The following GARNL3 variants were observed in gnomAD, a reference collection of about 807,000 sequenced individuals.
GARNL3 encodes GTPase-activating Rap/Ran-GAP domain-like protein 3.
Under a neutral mutation model 125.0 loss-of-function variants are expected in GARNL3, and 63 were observed. The observed-to-expected ratio is 0.50, with a 90% CI of 0.41 to 0.62. The LOEUF (loss-of-function observed/expected upper bound fraction) is 0.62. GARNL3 is among the 20% of genes least tolerant of loss of function. GARNL3 has a pLI of 0.00. For synonymous variants in GARNL3, 439 were observed against 457.5 expected, an observed-to-expected ratio of 0.96 and a Z score of 0.52; for missense variants, 994 against 1,244.0, an observed-to-expected ratio of 0.80 and a Z score of 3.02.
At chr9:127,249,247 CAG>C (rs2063358336) in intron 2 of GARNL3, among the ~76,000 whole-genome samples, 1 of 152,136 alleles carries the variant, frequency 6.6e-6, no homozygotes, top group East Asian at 1.9e-4. Context: ...GAAACTATGA[CAG>C]GGTGGAATTC....
intron 3 of GARNL3, 38 bp downstream of exon 3, chr9:127,311,773 T>G: frequency 7.2e-7 from 1 of 1,396,728 alleles, no homozygotes; most frequent in Non-Finnish European, 1.0e-6. Flanking sequence ...AGAAAGGGTA[T>G]TCAAAATGGA....
At chr9:127,285,478 G>A (rs1444599881) in intron 1 of GARNL3, among the ~76,000 whole-genome samples, 2 of 152,036 alleles carry the variant, frequency 1.3e-5, no homozygotes, top group African/African-American at 2.4e-5. Context: ...ATTTTTAAAG[G>A]TGTGTATTCT....
At chr9:127,393,050 A>G in intron 27 of GARNL3, 33 bp from the exon 28 acceptor site, 1 of 1,555,548 alleles carries the variant, frequency 6.4e-7, no homozygotes, top group Non-Finnish European at 8.8e-7. Flanking sequence ...TGGTACTCCC[A>G]AAGATCCTCT....
upstream of GARNL3, chr9:127,264,251 G>A (rs561238192): frequency 5.2e-5 from 16 of 310,244 alleles, no homozygotes; most frequent in South Asian, 4.7e-4. Flanking sequence ...GGATGAAAAC[G>A]TAGTAACAAT....
chr9:127,241,457 T>G (rs989770985), intron 1 of GARNL3, among the ~76,000 whole-genome samples: 6 of 151,782 alleles, frequency 4.0e-5, no homozygotes, highest in Non-Finnish European at 5.9e-5. Flanking sequence ...CCTGGTTTCT[T>G]GCGCTTTGTC....
upstream of GARNL3, chr9:127,263,830 A>G: frequency 3.1e-5 from 40 of 1,295,112 alleles, no homozygotes; most frequent in Non-Finnish European, 3.7e-5. Context: ...ATGCCATTAG[A>G]CTCTCTAATC....
chr9:127,329,670 T>C (rs1421391851), intron 7 of GARNL3, among the ~76,000 whole-genome samples: 2 of 151,998 alleles, frequency 1.3e-5, no homozygotes, highest in Non-Finnish European at 2.9e-5. Flanking sequence ...TGCTTGTACA[T>C]CTCAGTTTCA....
intron 1 of GARNL3, among the ~76,000 whole-genome samples, chr9:127,231,048 A>ATTTTTT (rs1437296463): frequency 1.8e-3 from 79 of 43,668 alleles, no homozygotes; most frequent in African/African-American, 9.1e-3. Flanking sequence ...ATATATATAT[A>ATTTTTT]TATTTTTTTT....
chr9:127,393,373 C>A lies in GARNL3; in HGVS notation c.*119C>A. 2.3e-6 allele frequency: 2 copies of A among 870,694 alleles called. No homozygotes were observed. Among genetic ancestry groups the A allele is most frequent in the Non-Finnish European group, 3.5e-6 (2 of 569,252 alleles). 53.9% of individuals were successfully genotyped at this position (870,694 alleles called of 1,614,324 possible). A position where few individuals can be genotyped will look rare whatever the true frequency, so the allele number is the denominator to read the frequency against. On this transcript the variant is annotated 3_prime_UTR_variant, in exon 28 of 28. Transcript: ENST00000373387. Reference sequence around the variant, plus strand: ...TTAGCCTGTCAGTGATCTATTGGACCAAACCTTCTGCACACTCGGCCAGTT... The same window carrying A: ...TTAGCCTGTCAGTGATCTATTGGACAAAACCTTCTGCACACTCGGCCAGTT...
intron 1 of GARNL3, among the ~76,000 whole-genome samples, chr9:127,289,599 C>T (rs2064354015): frequency 6.6e-6 from 1 of 152,182 alleles, no homozygotes; most frequent in South Asian, 2.1e-4. Context: ...ATGTGGTTGA[C>T]CACCCACGTG....
intron 2 of GARNL3, among the ~76,000 whole-genome samples, chr9:127,297,019 C>G (rs1022936813): frequency 6.6e-6 from 1 of 152,186 alleles, no homozygotes; most frequent in African/African-American, 2.4e-5. Context: ...TAACAAAGAC[C>G]AAATACGTAT....
chr9:127,342,070 T>C lies in GARNL3; in HGVS notation c.1136-149T>C, dbSNP rs992753996. On this transcript the variant is annotated intron_variant, in intron 13 of 27. Transcript: ENST00000373387. ...CGAAGCGAGGCTTTAAAATGGATTG[T>C]TCCAAGGTACTAAGCAGAAAAAAAA... is the stretch of plus-strand genomic sequence containing the variant. 3.4e-5 allele frequency: 21 copies of C among 618,994 alleles called. No individual in the cohort carries two copies. In the Admixed American group the frequency reaches 4.7e-4, roughly 14 times the overall value. 38.3% of individuals were successfully genotyped at this position (618,994 alleles called of 1,614,324 possible). A position where few individuals can be genotyped will look rare whatever the true frequency, so the allele number is the denominator to read the frequency against.
intron 24 of GARNL3, among the ~76,000 whole-genome samples, chr9:127,386,764 G>A (rs1047476310): frequency 5.3e-5 from 8 of 152,202 alleles, no homozygotes; most frequent in African/African-American, 1.9e-4. Flanking sequence ...AGCGCATCAC[G>A]GGTGTGCCTG....
At chr9:127,324,778 A>C (rs558512030) in intron 6 of GARNL3, among the ~76,000 whole-genome samples, 1 of 152,352 alleles carries the variant, frequency 6.6e-6, no homozygotes, top group South Asian at 2.1e-4. Context: ...TAAATGACTT[A>C]TGCCCAAACA....
At chr9:127,390,868 C>T (rs1216006202) in intron 27 of GARNL3, 101 bp downstream of exon 27, 133 of 1,216,086 alleles carry the variant, frequency 1.1e-4, no homozygotes, top group Non-Finnish European at 1.5e-4. Context: ...CTAGTGGCCC[C>T]TGGCAGCTAC....
intron 7 of GARNL3, among the ~76,000 whole-genome samples, chr9:127,327,180 C>T (rs969689663): frequency 1.3e-5 from 2 of 152,122 alleles, no homozygotes; most frequent in African/African-American, 2.4e-5. Flanking sequence ...GAGCTCCTAC[C>T]GTGCATGTAC....
chr9:127,330,948 C>T lies in GARNL3; in HGVS notation c.595-1326C>T, dbSNP rs114582943. Among the ~76,000 whole-genome samples, 396 of 152,262 alleles carry T rather than the reference C, an allele frequency of 2.6e-3. 3 individuals are homozygous for T. Among genetic ancestry groups the T allele is most frequent in the African/African-American group, 9.1e-3 (380 of 41,542 alleles). ...CTTGGATTTTCGGATTTTTAATACT[C>T]TCAGATCCAGCTATCCTGAATCCTG... On this transcript the variant is annotated intron_variant, in intron 7 of 27. Transcript: ENST00000373387.
chr9:127,274,027 A>G (rs2063890637), intron 1 of GARNL3, among the ~76,000 whole-genome samples: 1 of 152,128 alleles, frequency 6.6e-6, no homozygotes, highest in Non-Finnish European at 1.5e-5. Flanking sequence ...TTATCCTTTA[A>G]GTAAGATATA....
chr9:127,264,463 T>C (rs899827107), upstream of GARNL3: 5 of 969,026 alleles, frequency 5.2e-6, no homozygotes, highest in African/African-American at 8.8e-5. Context: ...CTACCACGAT[T>C]GTGAAGTTTC....
Sources: gnomAD v4.1 joint callset for allele counts (sites outside exome capture counted in the v4.1 genomes callset) on GRCh38, gnomAD v4.1.1 for gene constraint, MANE v1.5 for transcripts, NCBI Gene and HGNC (gene_info 2026-07-23, HGNC 2026-07-21) for gene names.